NBEAL1: variants seen among roughly 807,000 people sequenced by gnomAD.
NBEAL1 encodes the protein neurobeachin like 1, also known as neurobeachin-like protein 1.
NBEAL1 carries 273 observed loss-of-function variants against 351.3 expected under a neutral mutation model. The ratio of observed to expected loss-of-function variants is 0.78; its 90% CI spans 0.70 to 0.86. The LOEUF is 0.86. Ranked by LOEUF, NBEAL1 falls within the 40% of genes least tolerant of loss-of-function variation. NBEAL1 has a pLI of 0.00. For synonymous variants in NBEAL1, 1,050 were observed against 1,086.4 expected, an observed-to-expected ratio of 0.97 and a Z score of 0.66; for missense variants, 2,961 against 3,201.3, an observed-to-expected ratio of 0.92 and a Z score of 1.81.
At chr2:203,041,024 T>G in intron 2 of NBEAL1, 1 of 231,136 alleles carries the variant, frequency 4.3e-6, no homozygotes, top group Non-Finnish European at 8.6e-6. Flanking sequence ...AAGGAAGGGT[T>G]AAAATATAGT....
rs1310312576 is a variant in NBEAL1 at position 203,188,962 on chromosome 2, G to A, written c.6823+373G>A. Among the ~76,000 whole-genome samples the A allele has an allele frequency of 6.6e-5, 10 of 152,260 alleles. No homozygotes were observed. In the East Asian group the frequency reaches 1.2e-3, roughly 18 times the overall value. Reference sequence around the variant, plus strand: ...ATGGCATTATTTAGCTCAGAATCAAGAATATCTTCTGATGGCCTTAAAATG... The same window carrying A: ...ATGGCATTATTTAGCTCAGAATCAAAAATATCTTCTGATGGCCTTAAAATG... On this transcript the variant is annotated intron_variant, in intron 45 of 55. Transcript: ENST00000683969.
chr2:203,093,248 A>G (rs1188977256), intron 10 of NBEAL1, among the ~76,000 whole-genome samples: 2 of 147,110 alleles, frequency 1.4e-5, no homozygotes, highest in African/African-American at 5.3e-5. Context: ...AAAAAAAAAA[A>G]AAAAAAAAAA....
At chr2:203,098,795 A>C (rs541397555) in intron 11 of NBEAL1, among the ~76,000 whole-genome samples, 1 of 152,268 alleles carries the variant, frequency 6.6e-6, no homozygotes, top group South Asian at 2.1e-4. Flanking sequence ...TTTTCCATTT[A>C]ATATAAAAAT....
intron 2 of NBEAL1, among the ~76,000 whole-genome samples, chr2:203,033,431 T>C (rs2060985974): frequency 6.6e-6 from 1 of 152,222 alleles, no homozygotes; most frequent in Non-Finnish European, 1.5e-5. Flanking sequence ...CCACTATCCA[T>C]TACATAACAT....
At chr2:203,179,674 C>T (rs1216046131) in intron 42 of NBEAL1, among the ~76,000 whole-genome samples, 1 of 152,004 alleles carries the variant, frequency 6.6e-6, no homozygotes, top group Non-Finnish European at 1.5e-5. Context: ...TCCTATAGAT[C>T]TATTAACCAA....
chr2:203,068,621 A>G, intron 7 of NBEAL1, 146 bp downstream of exon 7: 1 of 458,060 alleles, frequency 2.2e-6, no homozygotes. Flanking sequence ...AAGCTACATG[A>G]TTTGTGTTTG....
intron 3 of NBEAL1, among the ~76,000 whole-genome samples, chr2:203,044,928 G>A (rs1183593294): frequency 3.3e-5 from 5 of 152,128 alleles, no homozygotes; most frequent in African/African-American, 4.8e-5. Context: ...CCAAACAGAG[G>A]AACAGATTTG....
intron 19 of NBEAL1, among the ~76,000 whole-genome samples, chr2:203,124,708 ATGGTATCGAC>A (rs1348061996): frequency 5.9e-5 from 9 of 152,188 alleles, no homozygotes; most frequent in African/African-American, 2.2e-4. Context: ...CAAACCTTGT[ATGGTATCGAC>A]TGTATGTCAG....
In NBEAL1 at chr2:203,077,937, C is replaced by T. The variant is rs548735416; in HGVS notation, c.684+100C>T. 12 of 569,046 alleles carry T rather than the reference C, an allele frequency of 2.1e-5. No individual in the cohort carries two copies. In the South Asian group the frequency reaches 6.4e-4, roughly 30 times the overall value. The allele number at this position is 569,046 out of a possible 1,614,324, so 35.2% of individuals were successfully genotyped here. On this transcript the variant is annotated intron_variant, in intron 8 of 55. Transcript: ENST00000683969. ...TTCTTTGTCTTTTTATAATTTCATT[C>T]ACCATACAAATATTGAACTTATATA...
chr2:203,071,806 G>C (rs1346194371), intron 7 of NBEAL1, among the ~76,000 whole-genome samples: 6 of 152,212 alleles, frequency 3.9e-5, no homozygotes, highest in Non-Finnish European at 7.3e-5. Context: ...CCAAAAGGGA[G>C]ACAGTGGAAG....
chr2:203,115,863 A>C (rs754741813), intron 17 of NBEAL1, 122 bp from the exon 18 acceptor site: 10 of 573,346 alleles, frequency 1.7e-5, no homozygotes, highest in African/African-American at 1.7e-4. Flanking sequence ...TAGCTTAATG[A>C]GTTTCAGCTG....
intron 19 of NBEAL1, 116 bp downstream of exon 19, chr2:203,122,459 G>T: frequency 1.6e-6 from 1 of 632,324 alleles, no homozygotes; most frequent in Non-Finnish European, 2.7e-6. Context: ...CAGTTAAAGG[G>T]TTATGCAAAC....
At chr2:203,107,130 T>G (rs2062456381) in intron 12 of NBEAL1, among the ~76,000 whole-genome samples, 1 of 152,138 alleles carries the variant, frequency 6.6e-6, no homozygotes, top group Admixed American at 6.6e-5. Flanking sequence ...ATACAAGAAT[T>G]GTCATATGCC....
In NBEAL1 at chr2:203,222,485, G is replaced by A. The variant is rs1421866065; in HGVS notation, c.*5131G>A. Among the ~76,000 whole-genome samples, 1 of 151,990 alleles carries A rather than the reference G, an allele frequency of 6.6e-6. No individual in the cohort carries two copies. Among genetic ancestry groups the A allele is most frequent in the Non-Finnish European group, 1.5e-5 (1 of 67,980 alleles). ...TAATCATTATCCTGAGGGACATTTT[G>A]TCTAAAATTTGCTTGGAATGGCTTT... is the stretch of plus-strand genomic sequence containing the variant. On this transcript the variant is annotated 3_prime_UTR_variant, in exon 56 of 56. Transcript: ENST00000683969.
intron 35 of NBEAL1, among the ~76,000 whole-genome samples, chr2:203,157,290 A>G (rs2063820889): frequency 6.6e-6 from 1 of 152,154 alleles, no homozygotes; most frequent in African/African-American, 2.4e-5. Flanking sequence ...CCAATTAAAG[A>G]CAATTTGTCA....
At position 203,083,976 on chromosome 2, in the gene NBEAL1, CTGTGTGTGTG is replaced by C. The variant is rs59252809; in HGVS notation, c.992-451_992-442del. Among the ~76,000 whole-genome samples the C allele has an allele frequency of 1.7e-3, 226 of 134,196 alleles. 2 individuals are homozygous for C. Among genetic ancestry groups the C allele is most frequent in the East Asian group, 0.015 (68 of 4,420 alleles). The allele number at this position is 134,196 out of a possible 152,430, so 88.0% of individuals were successfully genotyped here. A position where few individuals can be genotyped will look rare whatever the true frequency, so the allele number is the denominator to read the frequency against. On this transcript the variant is annotated intron_variant, in intron 9 of 55. Transcript: ENST00000683969. The stretch of plus-strand genomic sequence containing the variant: ...TTTTGTTTCTTTTTTTCCTCAGAGC[CTGTGTGTGTG>C]TGTGTGTGTGTGTGTGTGTGTGTGT...
rs1237079875 is a variant in NBEAL1, at chr2:203,222,828, A to G, written c.*5474A>G. Reference sequence around the variant, plus strand: ...TTAAAAAGCATTGGGTAAATTATCTACTACTTCCAATGACTTTTGCAGGTA... The same window carrying G: ...TTAAAAAGCATTGGGTAAATTATCTGCTACTTCCAATGACTTTTGCAGGTA... On this transcript the variant is annotated 3_prime_UTR_variant, in exon 56 of 56. Transcript: ENST00000683969. Among the ~76,000 whole-genome samples the G allele has an allele frequency of 5.9e-5, 9 of 152,346 alleles. No individual in the cohort carries two copies. In the South Asian group the frequency reaches 6.2e-4, roughly 11 times the overall value.
At chr2:203,107,091 C>T (rs2062455648) in intron 12 of NBEAL1, among the ~76,000 whole-genome samples, 1 of 152,210 alleles carries the variant, frequency 6.6e-6, no homozygotes, top group East Asian at 1.9e-4. Context: ...TTAACTACTA[C>T]TATAGTAATT....
chr2:203,019,839 G>A (rs2060738554), intron 2 of NBEAL1, among the ~76,000 whole-genome samples: 1 of 152,036 alleles, frequency 6.6e-6, no homozygotes, highest in Non-Finnish European at 1.5e-5. Flanking sequence ...TCTTCTGCCT[G>A]GGTTCAATTG....
Sources: allele counts gnomAD v4.1 joint callset (sites outside exome capture counted in the v4.1 genomes callset), GRCh38; gene constraint gnomAD v4.1.1; transcripts MANE v1.5; gene names NCBI Gene and HGNC (gene_info 2026-07-23, HGNC 2026-07-21).